The following RNF216 variants were observed in gnomAD, a reference collection of about 807,000 sequenced individuals.
RNF216 encodes the protein E3 ubiquitin-protein ligase RNF216.
Under a neutral mutation model 110.8 loss-of-function variants are expected in RNF216, and 72 were observed. The ratio of observed to expected loss-of-function variants is 0.65; its 90% confidence interval spans 0.54 to 0.79. The LOEUF is 0.79. Ranked by LOEUF, RNF216 falls within the 30% of genes least tolerant of loss-of-function variation. RNF216 has a pLI of 0.00. For synonymous variants in RNF216, 495 were observed against 407.5 expected, an observed-to-expected ratio of 1.21 and a Z score of -2.59; for missense variants, 1,342 against 1,141.2, an observed-to-expected ratio of 1.18 and a Z score of -2.54.
intron 13 of RNF216, 133 bp downstream of exon 13, chr7:5,711,628 T>A: frequency 1.4e-6 from 1 of 717,906 alleles, no homozygotes; most frequent in Non-Finnish European, 2.4e-6. Flanking sequence ...CGTCCTCATT[T>A]GCTTATGAAA....
At position 5,621,873 on chromosome 7, in the gene RNF216, G is replaced by A. The variant is rs1786386034; in HGVS notation, c.*987C>T. 6.6e-6 allele frequency: 1 copy of A among 152,320 alleles called. No individual in the cohort carries two copies. The highest frequency in any genetic ancestry group is 6.5e-5 in the Admixed American group (1 of 15,282). 9.4% of individuals were successfully genotyped at this position (152,320 alleles called of 1,614,324 possible). On this transcript the variant is annotated 3_prime_UTR_variant, in exon 17 of 17. Transcript: ENST00000389902. ...CTCAGCTGACTCCATGAGAAGGGAA[G>A]TGACCTTCACATGGGGGATACTGGA...
Position 5,621,342 on chromosome 7 carries a change from T to C in RNF216, c.*1518A>G, listed in dbSNP as rs988112329. The C allele has an allele frequency of 6.6e-6, 1 of 152,088 alleles. No individual in the cohort carries two copies. Among genetic ancestry groups the C allele is most frequent in the African/African-American group, 2.4e-5 (1 of 41,390 alleles). The allele number at this position is 152,088 out of a possible 1,614,324, so 9.4% of individuals were successfully genotyped here. A position where few individuals can be genotyped will look rare whatever the true frequency, so the allele number is the denominator to read the frequency against. On this transcript the variant is annotated 3_prime_UTR_variant, in exon 17 of 17. Coordinates refer to ENST00000389902, the MANE Select transcript of RNF216 (RefSeq NM_207111.4). ...GGCATGCGCCACCTTGTCCGGCTAA[T>C]TTTGTATTTTTAGTAGAGACGGGGA... is the stretch of plus-strand genomic sequence containing the variant.
chr7:5,778,951 C>T (rs900910406), intron 1 of RNF216, among the ~76,000 whole-genome samples: 11 of 152,182 alleles, frequency 7.2e-5, no homozygotes, highest in Admixed American at 4.6e-4. Flanking sequence ...ACCATGTTGG[C>T]CAGGCTGGTC....
chr7:5,710,955 A>C (rs1452675259), intron 13 of RNF216, among the ~76,000 whole-genome samples: 1 of 152,216 alleles, frequency 6.6e-6, no homozygotes, highest in African/African-American at 2.4e-5. Flanking sequence ...CAGAAATATT[A>C]ATGCTGAAAA....
chr7:5,690,757 C>T (rs182341121), intron 13 of RNF216, among the ~76,000 whole-genome samples: 1 of 145,734 alleles, frequency 6.9e-6, no homozygotes, highest in Admixed American at 6.8e-5. Context: ...GATGCTCCTG[C>T]AATACAGCCC....
At chr7:5,686,442 G>A (rs150025602) in intron 13 of RNF216, among the ~76,000 whole-genome samples, 180 of 152,142 alleles carry the variant, frequency 1.2e-3, no homozygotes, top group African/African-American at 4.2e-3. Flanking sequence ...AATGATGTGC[G>A]GACAGTCACA....
chr7:5,672,358 A>G (rs879291282), intron 13 of RNF216, among the ~76,000 whole-genome samples: 5 of 152,220 alleles, frequency 3.3e-5, no homozygotes, highest in Non-Finnish European at 7.3e-5. Context: ...TAATGTTTAT[A>G]TAAAAGGATC....
chr7:5,770,446 A>G (rs1796437597), intron 1 of RNF216, among the ~76,000 whole-genome samples: 1 of 151,622 alleles, frequency 6.6e-6, no homozygotes, highest in Non-Finnish European at 1.5e-5. Flanking sequence ...GGGCAACGAG[A>G]GCAAAACTCC....
At chr7:5,693,281 C>T (rs80189939) in intron 13 of RNF216, among the ~76,000 whole-genome samples, 1,748 of 152,216 alleles carry the variant, frequency 0.011, 36 homozygotes, top group African/African-American at 0.04. Context: ...CCATATGGTC[C>T]GCAAAGCCTG....
chr7:5,759,276 T>C (rs1795805238), intron 2 of RNF216, among the ~76,000 whole-genome samples: 1 of 152,150 alleles, frequency 6.6e-6, no homozygotes, highest in Admixed American at 6.6e-5. Context: ...TAAACCTCTT[T>C]TCTTTCTTTA....
Position 5,716,762 on chromosome 7 carries a change from T to G in RNF216, c.1649A>C (p.Glu550Ala). 3.7e-6 allele frequency: 6 copies of G among 1,606,332 alleles called. No homozygotes were observed. The highest frequency in any genetic ancestry group is 5.1e-6 in the Non-Finnish European group (6 of 1,175,948). Residue 550 changes from glutamate to alanine, a missense_variant, in exon 10 of 17, where the codon GAA (glutamate) becomes GCA (alanine). Physicochemically the swap from Glu to Ala is moderately radical, Grantham distance 107. Coordinates refer to ENST00000389902, the MANE Select transcript of RNF216 (RefSeq NM_207111.4). Reference protein sequence around the residue: ...EQKIKEMAEHEDFLLALQMNE... With the variant: ...EQKIKEMAEHADFLLALQMNE... ...CATCTGTAGGGCAAGCAAAAAGTCT[T>G]CATGCTGAAGAACAAAAAAGGCACA...
intron 13 of RNF216, among the ~76,000 whole-genome samples, chr7:5,658,066 C>A (rs1434047856): frequency 1.3e-5 from 2 of 152,212 alleles, no homozygotes; most frequent in Non-Finnish European, 2.9e-5. Flanking sequence ...GGCAGGGGAG[C>A]ATGCATGTGC....
At chr7:5,629,934 G>A (rs148937358) in intron 15 of RNF216, among the ~76,000 whole-genome samples, 82 of 152,124 alleles carry the variant, frequency 5.4e-4, no homozygotes, top group African/African-American at 1.9e-3. Flanking sequence ...TGGGATAAGT[G>A]ACAGATGGGG....
chr7:5,730,906 C>G (rs1286503196), intron 5 of RNF216, 89 bp from the exon 6 acceptor site: 6 of 1,543,704 alleles, frequency 3.9e-6, no homozygotes, highest in Non-Finnish European at 4.4e-6. Flanking sequence ...GAATATAGTC[C>G]TTAGTCACAC....
At chr7:5,752,776 A>G (rs1795399016) in intron 3 of RNF216, 70 bp downstream of exon 3, 18 of 1,548,324 alleles carry the variant, frequency 1.2e-5, no homozygotes, top group Non-Finnish European at 1.6e-5. Flanking sequence ...AACAAGGCCC[A>G]CAAGAGTGGC....
At chr7:5,663,431 C>G (rs909920940) in intron 13 of RNF216, among the ~76,000 whole-genome samples, 1 of 151,464 alleles carries the variant, frequency 6.6e-6, no homozygotes, top group Non-Finnish European at 1.5e-5. Flanking sequence ...AACACAAAAA[C>G]AAATTAGCCA....
rs1381681547 is a variant in RNF216, at chr7:5,662,760, T to G, written c.2062-10250A>C. On this transcript the variant is annotated intron_variant, in intron 13 of 16. Transcript: ENST00000389902. ...TACTCTGAGGAAGATGGTGAGTACC[T>G]CAGAGGAAACTAAAGCCAGGTAGGG... 2.6e-5 allele frequency among the ~76,000 whole-genome samples: 4 copies of G among 152,234 alleles called. No individual in the cohort carries two copies. The East Asian group carries it at 7.7e-4, about 29-fold the overall frequency.
In RNF216 at chr7:5,752,845, C is replaced by T; in HGVS notation, c.201+1G>A. 1.2e-6 allele frequency: 2 copies of T among 1,610,194 alleles called. No individual in the cohort carries two copies. The highest frequency in any genetic ancestry group is 1.7e-6 in the Non-Finnish European group (2 of 1,178,720). ...TCATTGTAAGTTTAAAGAAAACTCACTTCTGTCAGGATGACATCATCATCC... is the reference window on the plus strand; with the variant it reads ...TCATTGTAAGTTTAAAGAAAACTCATTTCTGTCAGGATGACATCATCATCC... On this transcript the variant is annotated splice_donor_variant, in intron 3 of 16. Transcript: ENST00000389902. LOFTEE classifies it high-confidence loss of function.
chr7:5,716,489 T>C (rs151031390), intron 10 of RNF216, among the ~76,000 whole-genome samples: 157 of 152,184 alleles, frequency 1.0e-3, no homozygotes, highest in Non-Finnish European at 2.0e-3. Context: ...TGTCAGGTAA[T>C]GATTTTTAAC....
Sources: gnomAD v4.1 joint callset for allele counts (sites outside exome capture counted in the v4.1 genomes callset) on GRCh38, gnomAD v4.1.1 for gene constraint, MANE v1.5 for transcripts, NCBI Gene and HGNC (gene_info 2026-07-23, HGNC 2026-07-21) for gene names.